Variants in TK1 observed in about 807,000 individuals in gnomAD.
TK1 encodes the protein thymidine kinase, cytosolic.
Under a neutral mutation model 22.4 loss-of-function variants are expected in TK1, and 13 were observed. The ratio of observed to expected loss-of-function variants is 0.58; its 90% CI spans 0.38 to 0.92. The LOEUF (loss-of-function observed/expected upper bound fraction) is 0.92. TK1 is among the 40% of genes least tolerant of loss of function. The pLI is 0.00. For synonymous variants in TK1, 134 were observed against 125.4 expected, an observed-to-expected ratio of 1.07 and a Z score of -0.46; for missense variants, 251 against 315.7, an observed-to-expected ratio of 0.80 and a Z score of 1.55.
At chr17:78,177,602 C>G (rs929402109) in intron 4 of TK1, among the ~76,000 whole-genome samples, 3 of 149,114 alleles carry the variant, frequency 2.0e-5, no homozygotes, top group Non-Finnish European at 4.4e-5. Flanking sequence ...GAGACGGAGT[C>G]TCGCTCTGTC....
chr17:78,178,837 G>A (rs916874886), intron 4 of TK1, among the ~76,000 whole-genome samples: 1 of 152,184 alleles, frequency 6.6e-6, no homozygotes, highest in African/African-American at 2.4e-5. Context: ...TAGAGACGGA[G>A]TTTCTCCATG....
chr17:78,178,513 G>A (rs1382388977), intron 4 of TK1, among the ~76,000 whole-genome samples: 1 of 152,192 alleles, frequency 6.6e-6, no homozygotes, highest in Admixed American at 6.5e-5. Flanking sequence ...AGGCAGGTTC[G>A]GCTGGGCTTC....
intron 2 of TK1, among the ~76,000 whole-genome samples, chr17:78,186,487 G>C: frequency 6.6e-6 from 1 of 152,042 alleles, no homozygotes; most frequent in South Asian, 2.1e-4. Context: ...CAGAGGACTT[G>C]GTGGGGAAGA....
intron 4 of TK1, among the ~76,000 whole-genome samples, chr17:78,178,219 G>C (rs911034270): frequency 6.6e-6 from 1 of 152,086 alleles, no homozygotes; most frequent in South Asian, 2.1e-4. Context: ...ATTGCCAAGC[G>C]ACCCTGCAAG....
Position 78,174,509 on chromosome 17 carries a change from C to T in TK1, c.*250G>A. ...GGGAGTGTGCCAGATCCCAGGCCAC[C>T]AAGCGGGGCCAGCTCCAGCCTGGGC... is the stretch of plus-strand genomic sequence containing the variant. On this transcript the variant is annotated 3_prime_UTR_variant, in exon 7 of 7. Coordinates refer to ENST00000301634, the MANE Select transcript of TK1 (RefSeq NM_003258.5). The T allele has an allele frequency of 1.9e-6, 1 of 525,318 alleles. No individual in the cohort carries two copies. Among genetic ancestry groups the T allele is most frequent in the Non-Finnish European group, 3.4e-6 (1 of 297,420 alleles). 32.5% of individuals were successfully genotyped at this position (525,318 alleles called of 1,614,324 possible).
At chr17:78,181,537 C>CAA (rs34860308) in intron 4 of TK1, among the ~76,000 whole-genome samples, 29 of 122,782 alleles carry the variant, frequency 2.4e-4, no homozygotes, top group African/African-American at 4.7e-4. Context: ...GACTCCGTCT[C>CAA]AAAAAAAAAA....
At position 78,175,114 on chromosome 17, in the gene TK1, G is replaced by C; in HGVS notation, c.449C>G (p.Thr150Arg). The C allele has an allele frequency of 6.2e-7, 1 of 1,613,370 alleles. No individual in the cohort carries two copies. Among genetic ancestry groups the C allele is most frequent in the Non-Finnish European group, 8.5e-7 (1 of 1,179,888 alleles). Residue 150 changes from threonine (T) to arginine (R), a missense_variant, in exon 6 of 7, where the codon ACG becomes AGG. Coordinates refer to ENST00000301634, the MANE Select transcript of TK1 (RefSeq NM_003258.5). The stretch of plus-strand genomic sequence containing the variant: ...CCGGAAGCACTCCATGCACACCGCC[G>C]TCAGCTTCACCACGCTCTCGGCCAG... ...VPLAESVVKL[T>R]AVCMECFREA... is the part of the protein sequence containing the mutation.
intron 3 of TK1, among the ~76,000 whole-genome samples, chr17:78,184,814 G>C (rs1430012659): frequency 2.6e-5 from 4 of 152,076 alleles, no homozygotes; most frequent in Non-Finnish European, 1.5e-5. Flanking sequence ...GCAACAACTA[G>C]AAATGTCTTC....
At chr17:78,175,241 T>G (rs1048827596) in intron 5 of TK1, 72 bp from the exon 6 acceptor site, 3 of 1,537,256 alleles carry the variant, frequency 2.0e-6, no homozygotes, top group Non-Finnish European at 2.6e-6. Context: ...AACCCTCTGA[T>G]TCACAAGCAC....
chr17:78,175,801 G>A (rs1182437240), intron 4 of TK1, among the ~76,000 whole-genome samples, 183 bp from the exon 5 acceptor site: 2 of 152,068 alleles, frequency 1.3e-5, no homozygotes, highest in South Asian at 2.1e-4. Flanking sequence ...CCCAGCAGAC[G>A]ACAGGTACAT....
Position 78,174,807 on chromosome 17 carries a change from C to T in TK1, c.657G>A (p.Arg219=). 4.3e-6 allele frequency: 7 copies of T among 1,612,984 alleles called. No homozygotes were observed. Among genetic ancestry groups the T allele is most frequent in the Non-Finnish European group, 5.9e-6 (7 of 1,179,508 alleles). The change falls in exon 7 of 7, where the codon AGG becomes AGA. Residue 219 remains arginine (R), a synonymous_variant. Transcript: ENST00000301634. ...PGKPGEAVAA[R]KLFAPQQILQ... is the part of the protein sequence containing the mutation. ...GAATCTGCTGTGGGGCAAAGAGCTTCCTGGCAGCCACGGCTTCCCCTGGCT... is the reference window on the plus strand; with the variant it reads ...GAATCTGCTGTGGGGCAAAGAGCTTTCTGGCAGCCACGGCTTCCCCTGGCT...
At chr17:78,182,324 T>C (rs1305033234) in intron 4 of TK1, among the ~76,000 whole-genome samples, 1 of 150,092 alleles carries the variant, frequency 6.7e-6, no homozygotes, top group African/African-American at 2.5e-5. Flanking sequence ...TGCGGTGAGA[T>C]TGTGCCATCG....
At chr17:78,178,117 C>T (rs529663970) in intron 4 of TK1, among the ~76,000 whole-genome samples, 76 of 152,214 alleles carry the variant, frequency 5.0e-4, no homozygotes, top group East Asian at 1.7e-3. Flanking sequence ...GTGATCCGCC[C>T]GCCTAGGCCT....
intron 4 of TK1, among the ~76,000 whole-genome samples, chr17:78,177,221 A>G (rs774826063): frequency 6.6e-6 from 1 of 152,198 alleles, no homozygotes; most frequent in Non-Finnish European, 1.5e-5. Context: ...AACTTATTAT[A>G]GATTGCATGT....
chr17:78,179,473 G>A (rs2075724007), intron 4 of TK1: 1 of 985,462 alleles, frequency 1.0e-6, no homozygotes, highest in Non-Finnish European at 1.2e-6. Flanking sequence ...CCAGCTGCCG[G>A]GTGGTCGGGA....
rs971611054 is a variant in TK1 at position 78,180,939 on chromosome 17, G to A, written c.303+1650C>T. On this transcript the variant is annotated intron_variant, in intron 4 of 6. Coordinates refer to ENST00000301634, the MANE Select transcript of TK1 (RefSeq NM_003258.5). ...TCTGAGCAAAAACACAATGACCAGC[G>A]CTGCTACTTTTCAAAGCAACAAGAT... Among the ~76,000 whole-genome samples, 7 of 152,100 alleles carry A rather than the reference G, an allele frequency of 4.6e-5. No homozygotes were observed. In the East Asian group the frequency reaches 1.2e-3, roughly 25 times the overall value.
intron 3 of TK1, among the ~76,000 whole-genome samples, chr17:78,183,534 T>C (rs189896011): frequency 6.6e-6 from 1 of 151,424 alleles, no homozygotes; most frequent in Admixed American, 6.6e-5. Context: ...GTGAAAAAAA[T>C]GTAAAAATTA....
chr17:78,181,560 C>T (rs1451934338), intron 4 of TK1, among the ~76,000 whole-genome samples: 1 of 150,540 alleles, frequency 6.6e-6, no homozygotes, highest in Non-Finnish European at 1.5e-5. Context: ...AAAACCCAAA[C>T]CCACACAAGA....
rs574992166 is a variant in TK1 at position 78,175,044 on chromosome 17, A to T, written c.513+6T>A. On this transcript the variant is annotated splice_donor_region_variant and intron_variant, in intron 6 of 6. Coordinates refer to ENST00000301634, the MANE Select transcript of TK1 (RefSeq NM_003258.5). Reference sequence around the variant, plus strand: ...GCCGGCCTGCAGGGAAGGCAGGTGGAGCTACCTCCTTCTCTGTGCCGAGCC... The same window carrying T: ...GCCGGCCTGCAGGGAAGGCAGGTGGTGCTACCTCCTTCTCTGTGCCGAGCC... 1.4e-5 allele frequency: 23 copies of T among 1,612,964 alleles called. No homozygotes were observed. Among genetic ancestry groups the T allele is most frequent in the Non-Finnish European group, 1.9e-5 (23 of 1,179,492 alleles).
Sources: allele counts gnomAD v4.1 joint callset (sites outside exome capture counted in the v4.1 genomes callset), GRCh38; gene constraint gnomAD v4.1.1; transcripts MANE v1.5; gene names NCBI Gene and HGNC (gene_info 2026-07-23, HGNC 2026-07-21).